Variants in PDLIM5 observed in about 807,000 individuals in gnomAD.
The protein encoded by PDLIM5 is PDZ and LIM domain protein 5.
A neutral mutation model predicts 64.2 loss-of-function variants in PDLIM5; 34 were observed. The observed-to-expected ratio is 0.53, with a 90% CI of 0.40 to 0.71. The LOEUF (loss-of-function observed/expected upper bound fraction) is 0.71, where lower values mean the gene tolerates loss of function less well. Among genes scored for constraint, PDLIM5 ranks in the 30% least tolerant of loss-of-function variants. The pLI, the probability that PDLIM5 is intolerant of heterozygous loss-of-function variation, is 0.00. For missense variants in PDLIM5, 683 were observed against 733.6 expected, an observed-to-expected ratio of 0.93 and a Z score of 0.80; for synonymous variants, 253 against 269.1, an observed-to-expected ratio of 0.94 and a Z score of 0.59.
intron 2 of PDLIM5, among the ~76,000 whole-genome samples, chr4:94,514,323 G>A (rs368742578): frequency 1.3e-4 from 20 of 151,396 alleles, no homozygotes; most frequent in Middle Eastern, 3.2e-3. Context: ...TTTAGTAGAG[G>A]CGGGGTTTCA....
At chr4:94,620,833 G>A (rs1053633029) in intron 8 of PDLIM5, among the ~76,000 whole-genome samples, 8 of 151,882 alleles carry the variant, frequency 5.3e-5, no homozygotes, top group South Asian at 2.1e-4. Flanking sequence ...TGAGGCGGGC[G>A]GATCACGAGG....
chr4:94,571,762 A>G (rs983109332), intron 3 of PDLIM5, among the ~76,000 whole-genome samples: 4 of 152,248 alleles, frequency 2.6e-5, no homozygotes, highest in African/African-American at 7.2e-5. Flanking sequence ...AAGGAAGACA[A>G]TTACAACAAT....
At chr4:94,585,770 A>G (rs755661010) in intron 6 of PDLIM5, 33 bp downstream of exon 6, 1 of 1,569,572 alleles carries the variant, frequency 6.4e-7, no homozygotes, top group Middle Eastern at 1.7e-4. Flanking sequence ...TAATGGATGA[A>G]TGTTTTTTTG....
intron 3 of PDLIM5, among the ~76,000 whole-genome samples, chr4:94,541,977 G>A (rs1197567658): frequency 6.6e-6 from 1 of 152,108 alleles, no homozygotes; most frequent in African/African-American, 2.4e-5. Context: ...TTTATCTACT[G>A]TTCTGAAAAA....
At chr4:94,455,726 G>T (rs749243312) in intron 2 of PDLIM5, 4 of 1,450,542 alleles carry the variant, frequency 2.8e-6, no homozygotes, top group East Asian at 4.9e-5. Context: ...TGTGCTATGG[G>T]ATTTTAATAA....
chr4:94,605,067 C>A (rs575751320), intron 7 of PDLIM5, among the ~76,000 whole-genome samples: 1 of 152,230 alleles, frequency 6.6e-6, no homozygotes, highest in African/African-American at 2.4e-5. Flanking sequence ...TAAAGATAGT[C>A]TGTTGTTTTT....
At chr4:94,639,072 T>C (rs1740795688) in intron 8 of PDLIM5, among the ~76,000 whole-genome samples, 1 of 152,176 alleles carries the variant, frequency 6.6e-6, no homozygotes. Context: ...AGTCGACTTC[T>C]GGGCTGAGAC....
intron 8 of PDLIM5, among the ~76,000 whole-genome samples, chr4:94,620,529 T>C (rs72878499): frequency 0.053 from 8,068 of 151,848 alleles, 729 homozygotes; most frequent in African/African-American, 0.18. Flanking sequence ...AGGAGTGAGA[T>C]ACCTTGTCTC....
intron 2 of PDLIM5, among the ~76,000 whole-genome samples, chr4:94,495,510 GAA>G (rs796436284): frequency 6.9e-6 from 1 of 144,120 alleles, no homozygotes; most frequent in African/African-American, 2.5e-5. Context: ...GAGCTTAGTT[GAA>G]AAAAAAAAAG....
chr4:94,495,620 G>A (rs1019940993), intron 2 of PDLIM5, among the ~76,000 whole-genome samples: 1 of 152,174 alleles, frequency 6.6e-6, no homozygotes, highest in Non-Finnish European at 1.5e-5. Flanking sequence ...CTTCTGAGCT[G>A]TAACTGGAAT....
At chr4:94,523,590 G>T in intron 2 of PDLIM5, 134 bp from the exon 3 acceptor site, 1 of 519,916 alleles carries the variant, frequency 1.9e-6, no homozygotes. Context: ...TTCTGTACAT[G>T]TTAAACAAGA....
chr4:94,612,061 C>CA (rs541423032), intron 7 of PDLIM5, among the ~76,000 whole-genome samples: 1 of 151,842 alleles, frequency 6.6e-6, no homozygotes, highest in Non-Finnish European at 1.5e-5. Context: ...ACTAAAGATA[C>CA]AAAAAAATTA....
At chr4:94,624,746 G>T (rs930369826) in intron 8 of PDLIM5, among the ~76,000 whole-genome samples, 3 of 152,190 alleles carry the variant, frequency 2.0e-5, no homozygotes, top group Non-Finnish European at 4.4e-5. Context: ...TTGGCTTCGG[G>T]TAGGAAAGAC....
At chr4:94,527,002 T>TGG (rs1730420734) in intron 3 of PDLIM5, among the ~76,000 whole-genome samples, 1 of 149,896 alleles carries the variant, frequency 6.7e-6, no homozygotes, top group Non-Finnish European at 1.5e-5. Flanking sequence ...CCCAAAGTGC[T>TGG]GGAATTACAG....
At chr4:94,657,269 T>A (rs1742283520) in intron 10 of PDLIM5, among the ~76,000 whole-genome samples, 158 bp from the exon 11 acceptor site, 1 of 152,264 alleles carries the variant, frequency 6.6e-6, no homozygotes, top group South Asian at 2.1e-4. Flanking sequence ...TTCTTAAGTA[T>A]CTCTTGTTAC....
intron 8 of PDLIM5, among the ~76,000 whole-genome samples, chr4:94,633,274 A>T (rs1226363726): frequency 6.6e-6 from 1 of 152,226 alleles, no homozygotes; most frequent in African/African-American, 2.4e-5. Context: ...AAGTTGTACT[A>T]GTTTTTCAAA....
intron 8 of PDLIM5, among the ~76,000 whole-genome samples, chr4:94,622,696 T>C (rs1739335693): frequency 1.4e-5 from 2 of 142,292 alleles, no homozygotes; most frequent in African/African-American, 5.2e-5. Flanking sequence ...CTTCCCTTCC[T>C]CCCTCACTCT....
intron 3 of PDLIM5, among the ~76,000 whole-genome samples, chr4:94,541,685 C>T (rs1316224098): frequency 6.6e-6 from 1 of 152,200 alleles, no homozygotes; most frequent in Non-Finnish European, 1.5e-5. Flanking sequence ...CTTTCTACTG[C>T]TTCTGCCCAT....
intron 3 of PDLIM5, among the ~76,000 whole-genome samples, chr4:94,529,366 C>A (rs549315019): frequency 1.6e-4 from 25 of 152,176 alleles, no homozygotes; most frequent in Middle Eastern, 3.4e-3. Flanking sequence ...AAGGAGAGAA[C>A]GAAACCCAGT....
Sources: gnomAD v4.1 joint callset for allele counts (sites outside exome capture counted in the v4.1 genomes callset) on GRCh38, gnomAD v4.1.1 for gene constraint, MANE v1.5 for transcripts, NCBI Gene and HGNC (gene_info 2026-07-23, HGNC 2026-07-21) for gene names.